Variants in SLC36A1 observed in about 807,000 individuals in gnomAD.
SLC36A1 encodes proton-coupled amino acid transporter 1.
Under a neutral mutation model 47.5 loss-of-function variants are expected in SLC36A1, and 30 were observed. The ratio of observed to expected loss-of-function variants is 0.63; its 90% CI spans 0.47 to 0.86. The LOEUF (loss-of-function observed/expected upper bound fraction) is 0.86, where lower values mean the gene tolerates loss of function less well. Among genes scored for constraint, SLC36A1 ranks in the 40% least tolerant of loss-of-function variants. The pLI is 0.00. For missense variants in SLC36A1, 517 were observed against 606.0 expected (o/e 0.85, Z 1.54); for synonymous variants, 255 against 249.7 (o/e 1.02, Z -0.20).
chr5:151,505,422 G>T, the SLC36A1 span: 1 of 968,734 alleles, frequency 1.0e-6, no homozygotes, highest in Non-Finnish European at 1.5e-6. Context: ...GATTGGAAGA[G>T]CACATTTCAA....
At chr5:151,469,479 A>G (rs559282540) in intron 7 of SLC36A1, among the ~76,000 whole-genome samples, 1 of 152,338 alleles carries the variant, frequency 6.6e-6, no homozygotes, top group African/African-American at 2.4e-5. Context: ...TTATTTAACA[A>G]GTCCTCACTC....
chr5:151,468,341 A>T (rs868311751), intron 7 of SLC36A1, among the ~76,000 whole-genome samples: 6 of 52,536 alleles, frequency 1.1e-4, no homozygotes, highest in Non-Finnish European at 2.5e-4. Flanking sequence ...ATTATATTTT[A>T]TATATATTAC....
the SLC36A1 span, among the ~76,000 whole-genome samples, chr5:151,509,196 T>C: frequency 6.6e-6 from 1 of 152,162 alleles, no homozygotes; most frequent in Non-Finnish European, 1.5e-5. Context: ...AATAAGCACT[T>C]CAGCCATTTT....
chr5:151,478,611 A>G (rs567111079), intron 9 of SLC36A1, among the ~76,000 whole-genome samples: 1 of 152,334 alleles, frequency 6.6e-6, no homozygotes, highest in South Asian at 2.1e-4. Context: ...TTTTGAAGGC[A>G]TGTACACCTG....
chr5:151,432,179 C>T (rs1388700456), upstream of SLC36A1, among the ~76,000 whole-genome samples: 1 of 151,906 alleles, frequency 6.6e-6, no homozygotes, highest in Non-Finnish European at 1.5e-5. Flanking sequence ...TCCCTGGAGG[C>T]GATGAACTTG....
At chr5:151,552,617 C>T in the SLC36A1 span, among the ~76,000 whole-genome samples, 1 of 152,188 alleles carries the variant, frequency 6.6e-6, no homozygotes, top group Non-Finnish European at 1.5e-5. Context: ...CCTAAGCGTT[C>T]GTCAGATTCC....
chr5:151,381,846 A>G, the SLC36A1 span: 1 of 193,384 alleles, frequency 5.2e-6, no homozygotes, highest in Non-Finnish European at 1.0e-5. Context: ...GCCTGGGGAG[A>G]CCGATTTGAG....
the SLC36A1 span, among the ~76,000 whole-genome samples, chr5:151,356,978 T>A: frequency 2.6e-5 from 4 of 152,268 alleles, no homozygotes; most frequent in African/African-American, 9.6e-5. Flanking sequence ...CTCCCATAGG[T>A]AGAGGACTAT....
intron 5 of SLC36A1, among the ~76,000 whole-genome samples, chr5:151,465,413 C>T (rs947337519): frequency 6.6e-6 from 1 of 152,152 alleles, no homozygotes; most frequent in Non-Finnish European, 1.5e-5. Flanking sequence ...GTCTCTAGAG[C>T]CATTCCAGCT....
chr5:151,435,569 AT>A (rs558605906), upstream of SLC36A1, among the ~76,000 whole-genome samples: 4 of 152,198 alleles, frequency 2.6e-5, no homozygotes, highest in South Asian at 2.1e-4. Context: ...GTGAATAGAG[AT>A]TTTTTTAAGT....
chr5:151,467,046 C>G (rs1007285938), intron 5 of SLC36A1, among the ~76,000 whole-genome samples, 153 bp from the exon 6 acceptor site: 1 of 152,152 alleles, frequency 6.6e-6, no homozygotes, highest in East Asian at 1.9e-4. Context: ...ACTAAACGCC[C>G]AGGCACTACC....
intron 1 of SLC36A1, among the ~76,000 whole-genome samples, chr5:151,451,262 A>C (rs951166634): frequency 6.6e-6 from 1 of 152,070 alleles, no homozygotes; most frequent in Non-Finnish European, 1.5e-5. Flanking sequence ...TATTTTGTCC[A>C]CGCTGGTCTT....
At chr5:151,356,437 ACCT>A in the SLC36A1 span, among the ~76,000 whole-genome samples, 2 of 150,946 alleles carry the variant, frequency 1.3e-5, no homozygotes, top group Admixed American at 6.6e-5. Flanking sequence ...TGTTACTCAC[ACCT>A]CCTCCGAGCT....
intron 2 of SLC36A1, among the ~76,000 whole-genome samples, chr5:151,462,292 C>T (rs1755635058): frequency 6.6e-6 from 1 of 152,030 alleles, no homozygotes; most frequent in Non-Finnish European, 1.5e-5. Context: ...TCTGTGTAAA[C>T]TCAACCAAAG....
At chr5:151,397,091 T>G in the SLC36A1 span, among the ~76,000 whole-genome samples, 2 of 152,212 alleles carry the variant, frequency 1.3e-5, no homozygotes, top group Admixed American at 6.5e-5. Context: ...CTGGTAAAAT[T>G]AATAGCAATT....
the SLC36A1 span, among the ~76,000 whole-genome samples, chr5:151,384,253 G>A: frequency 6.6e-6 from 1 of 152,164 alleles, no homozygotes; most frequent in African/African-American, 2.4e-5. Flanking sequence ...CTTTCCGGGT[G>A]TTGGCTCTAG....
the SLC36A1 span, among the ~76,000 whole-genome samples, chr5:151,502,735 C>CT: frequency 6.7e-6 from 1 of 148,348 alleles, no homozygotes; most frequent in African/African-American, 2.7e-5. Flanking sequence ...CTCTGGAAGA[C>CT]TGTTTGCCAG....
the SLC36A1 span, among the ~76,000 whole-genome samples, chr5:151,547,760 A>G: frequency 1.3e-5 from 2 of 152,228 alleles, no homozygotes; most frequent in Non-Finnish European, 2.9e-5. Flanking sequence ...CACACTGCTG[A>G]AAGAAAGAAA....
chr5:151,398,487 G>A, the SLC36A1 span, among the ~76,000 whole-genome samples: 1 of 152,238 alleles, frequency 6.6e-6, no homozygotes, highest in East Asian at 1.9e-4. Flanking sequence ...AACAAAGGAT[G>A]GAAAAGGAGT....
Sources: allele counts gnomAD v4.1 joint callset (sites outside exome capture counted in the v4.1 genomes callset), GRCh38; gene constraint gnomAD v4.1.1; transcripts MANE v1.5; gene names NCBI Gene and HGNC (gene_info 2026-07-23, HGNC 2026-07-21).